The following MICAL2 variants were observed in gnomAD, a reference collection of about 807,000 sequenced individuals.
MICAL2 encodes the protein [F-actin]-monooxygenase MICAL2.
MICAL2 carries 77 observed loss-of-function variants against 127.3 expected under a neutral mutation model. The ratio of observed to expected loss-of-function variants is 0.60; its 90% CI spans 0.50 to 0.73. The LOEUF is 0.73. Among genes scored for constraint, MICAL2 ranks in the 30% least tolerant of loss-of-function variants. MICAL2 has a pLI of 0.00. For missense variants in MICAL2, 1,351 were observed against 1,434.4 expected, an observed-to-expected ratio of 0.94 and a Z score of 0.94; for synonymous variants, 570 against 551.1, an observed-to-expected ratio of 1.03 and a Z score of -0.48.
chr11:12,229,425 C>T (rs959888401), intron 15 of MICAL2, among the ~76,000 whole-genome samples: 4 of 152,234 alleles, frequency 2.6e-5, no homozygotes, highest in African/African-American at 7.2e-5. Flanking sequence ...GGGCTGTCTT[C>T]TGGGTACCAG....
downstream of MICAL2, among the ~76,000 whole-genome samples, chr11:12,290,392 G>T (rs1475933101): frequency 1.3e-5 from 2 of 152,172 alleles, no homozygotes; most frequent in Non-Finnish European, 2.9e-5. Flanking sequence ...GGAAGTCCCT[G>T]AGGGATCCTC....
At chr11:12,216,529 A>T in intron 8 of MICAL2, 2 of 580,970 alleles carry the variant, frequency 3.4e-6, no homozygotes, top group South Asian at 4.3e-5. Flanking sequence ...CTGCAGAGGG[A>T]CGTGTGCTGC....
At chr11:12,161,972 T>C (rs569370909) in intron 2 of MICAL2, 107 bp from the exon 3 acceptor site, 17 of 672,786 alleles carry the variant, frequency 2.5e-5, no homozygotes, top group Non-Finnish European at 4.0e-5. Flanking sequence ...AATAGTGTGG[T>C]TAATATTTGA....
intron 1 of MICAL2, among the ~76,000 whole-genome samples, chr11:12,115,886 A>G (rs1302913012): frequency 6.6e-6 from 1 of 151,946 alleles, no homozygotes; most frequent in Non-Finnish European, 1.5e-5. Flanking sequence ...CCCCAGCACT[A>G]TTGGGATTTC....
chr11:12,204,440 G>C lies in MICAL2; in HGVS notation c.455G>C (p.Gly152Ala). 1 of 1,614,168 alleles carries C rather than the reference G, an allele frequency of 6.2e-7. No individual in the cohort carries two copies. Among genetic ancestry groups the C allele is most frequent in the Non-Finnish European group, 8.5e-7 (1 of 1,180,010 alleles). Residue 152 changes from glycine to alanine, a missense_variant, in exon 4 of 28, where the codon GGC (glycine) becomes GCC (alanine). Around this residue, in one of 2 missense-constraint regions of MICAL2, gnomAD observed 599 missense variants for 714.9 expected, o/e 0.84. Transcript: ENST00000683283. ...AAGTTCTATGGGAAGTTCTGTGCTG[G>C]CTCCATCGACCATATCAGTGAGTGG... The part of the protein sequence containing the change: ...AKKFYGKFCA[G>A]SIDHISIRQL...
At chr11:12,148,150 C>G (rs1283952601) in intron 2 of MICAL2, among the ~76,000 whole-genome samples, 1 of 152,332 alleles carries the variant, frequency 6.6e-6, no homozygotes, top group East Asian at 1.9e-4. Context: ...ACCTCCCCAG[C>G]AGCTCTTACC....
At chr11:12,343,620 C>T (rs529807516) in intron 32 of MICAL2, among the ~76,000 whole-genome samples, 58 of 152,090 alleles carry the variant, frequency 3.8e-4, no homozygotes, top group African/African-American at 1.2e-3. Flanking sequence ...CTAGCTAGAA[C>T]GTGTGGGTAT....
At chr11:12,271,358 G>A (rs972897829), upstream of MICAL2, among the ~76,000 whole-genome samples, 1 of 152,222 alleles carries the variant, frequency 6.6e-6, no homozygotes, top group East Asian at 1.9e-4. Context: ...GCCTCAGGGA[G>A]ACAGCAAGAG....
chr11:12,168,620 A>G (rs1054491941), intron 3 of MICAL2, among the ~76,000 whole-genome samples: 3 of 151,546 alleles, frequency 2.0e-5, no homozygotes, highest in African/African-American at 7.3e-5. Context: ...ATACTTATCT[A>G]TATATTTCCA....
intron 32 of MICAL2, among the ~76,000 whole-genome samples, chr11:12,334,333 G>A (rs1269988564): frequency 6.6e-6 from 1 of 152,120 alleles, no homozygotes; most frequent in East Asian, 1.9e-4. Flanking sequence ...TAAATGTTGT[G>A]TAAATAGTTG....
chr11:12,113,473 A>C (rs933731570), intron 1 of MICAL2, among the ~76,000 whole-genome samples: 2 of 152,228 alleles, frequency 1.3e-5, no homozygotes, highest in African/African-American at 4.8e-5. Context: ...ATGCTATGGG[A>C]AGCAGGAAAA....
intron 24 of MICAL2, among the ~76,000 whole-genome samples, chr11:12,270,745 C>T (rs1410236610): frequency 1.3e-5 from 2 of 152,182 alleles, no homozygotes; most frequent in South Asian, 2.1e-4. Context: ...AGAGATGGCT[C>T]TGGCCATTAG....
intron 22 of MICAL2, chr11:12,253,860 A>C (rs1861925072): frequency 6.6e-6 from 1 of 152,180 alleles, no homozygotes; most frequent in South Asian, 2.1e-4. Context: ...GTTTCTATGG[A>C]GGCTTCGTTA....
At chr11:12,286,881 T>C in intron 2 of MICAL2, 1 of 361,150 alleles carries the variant, frequency 2.8e-6, no homozygotes. Flanking sequence ...CAAAAATATT[T>C]GATGTGTGAA....
At chr11:12,216,423 G>A in intron 8 of MICAL2, 104 bp downstream of exon 8, 3 of 875,434 alleles carry the variant, frequency 3.4e-6, no homozygotes, top group South Asian at 1.4e-5. Context: ...GCGAGGGGAG[G>A]AGGGGGGAAG....
intron 13 of MICAL2, among the ~76,000 whole-genome samples, chr11:12,225,077 CCCCCCCGAG>C (rs150279557): frequency 0.024 from 3,429 of 144,618 alleles, 152 homozygotes; most frequent in African/African-American, 0.081. Flanking sequence ...CACTACCCTT[CCCCCCCGAG>C]CCCCATCACC....
At chr11:12,246,481 G>T (rs1253625452) in intron 21 of MICAL2, among the ~76,000 whole-genome samples, 3 of 152,250 alleles carry the variant, frequency 2.0e-5, no homozygotes, top group Non-Finnish European at 2.9e-5. Context: ...CCTTCACTGG[G>T]CTGGGAGCTA....
chr11:12,236,981 A>G lies in MICAL2; in HGVS notation c.2064+736A>G, dbSNP rs188099619. Among the ~76,000 whole-genome samples, 214 of 152,332 alleles carry G rather than the reference A, an allele frequency of 1.4e-3. 1 individual carries two copies. Among genetic ancestry groups the G allele is most frequent in the South Asian group, 3.1e-3 (15 of 4,830 alleles). On this transcript the variant is annotated intron_variant, in intron 16 of 27. Coordinates refer to ENST00000683283, the MANE Select transcript of MICAL2 (RefSeq NM_001282663.2). The stretch of plus-strand genomic sequence containing the variant: ...GCATGAGGGACGGTCTGTATAATAC[A>G]TTGATATCTGATTGATAGGAGGTAG...
chr11:12,127,320 C>T (rs1222106824), intron 1 of MICAL2, among the ~76,000 whole-genome samples: 1 of 152,146 alleles, frequency 6.6e-6, no homozygotes, highest in Non-Finnish European at 1.5e-5. Flanking sequence ...TTCATTCATT[C>T]AGCAGGTATT....
Sources: gnomAD v4.1 joint callset for allele counts (sites outside exome capture counted in the v4.1 genomes callset) on GRCh38, gnomAD v4.1.1 for gene constraint, gnomAD v4.1.1 regional missense constraint, MANE v1.5 for transcripts, NCBI Gene and HGNC (gene_info 2026-07-23, HGNC 2026-07-21) for gene names.